The following AGAP1 variants were observed in gnomAD, a reference collection of about 807,000 sequenced individuals.
AGAP1 encodes the protein arf-GAP with GTPase, ANK repeat and PH domain-containing protein 1.
A neutral mutation model predicts 105.3 loss-of-function variants in AGAP1; 29 were observed. The observed-to-expected ratio is 0.28, with a 90% CI of 0.21 to 0.38. The LOEUF (loss-of-function observed/expected upper bound fraction) is 0.38, where lower values mean the gene tolerates loss of function less well. Ranked by LOEUF, AGAP1 falls within the 10% of genes least tolerant of loss-of-function variation. AGAP1 has a pLI of 1.00. For missense variants in AGAP1, 998 were observed against 1,165.1 expected (o/e 0.86, Z 2.09); for synonymous variants, 509 against 485.9 (o/e 1.05, Z -0.63).
Position 235,965,643 on chromosome 2 carries a change from A to C in AGAP1, c.1484-2819A>C, listed in dbSNP as rs949246579. Among the ~76,000 whole-genome samples the C allele has an allele frequency of 3.3e-5, 5 of 152,164 alleles. No homozygotes were observed. Among genetic ancestry groups the C allele is most frequent in the Admixed American group, 6.5e-5 (1 of 15,278 alleles). ...AGGTGGTAGGGATACCACGTGCCTC[A>C]GCGGATTGCTTAAGAGTCCTGAACG... On this transcript the variant is annotated intron_variant, in intron 12 of 17. Transcript: ENST00000304032. This position sits in a 1 kb window ranked among gnomAD's most constrained non-coding sequence, Gnocchi z 5.8.
At position 236,078,103 on chromosome 2, in the gene AGAP1, G is replaced by GGT. The variant is rs1040244238; in HGVS notation, c.2114+28832_2114+28833dup. Among the ~76,000 whole-genome samples, 3 of 148,806 alleles carry GGT rather than the reference G, an allele frequency of 2.0e-5. No homozygotes were observed. The highest frequency in any genetic ancestry group is 4.5e-5 in the Non-Finnish European group (3 of 67,138). ...CTGAAGTGTGTAGGGCAGGCCAGCT[G>GGT]GTGTGTGTGTGCATGTGTGTAATCT... On this transcript the variant is annotated intron_variant, in intron 16 of 17. Transcript: ENST00000304032. The surrounding 1 kb of genome is among the most constrained non-coding windows in gnomAD (Gnocchi z 5.3).
At chr2:236,048,911 A>C in intron 15 of AGAP1, 148 bp from the exon 16 acceptor site, 1 of 687,680 alleles carries the variant, frequency 1.5e-6, no homozygotes, top group Non-Finnish European at 2.5e-6. Context: ...AACAGGACTG[A>C]GCACTGGCTA....
intron 1 of AGAP1, among the ~76,000 whole-genome samples, chr2:235,538,427 A>ATGTGTGTGTGTG (rs57515821): frequency 0.11 from 14,881 of 135,222 alleles, 1,025 homozygotes; most frequent in East Asian, 0.2. Flanking sequence ...CTCAGCCACT[A>ATGTGTGTGTGTG]TGTGTGTGTG....
chr2:236,077,142 A>T (rs55802387), intron 16 of AGAP1, among the ~76,000 whole-genome samples: 63,436 of 106,274 alleles, frequency 0.6, 18,769 homozygotes, highest in Non-Finnish European at 0.63. Flanking sequence ...AAAAAAAAAA[A>T]ATATATATAT....
rs1287205100 is a variant in AGAP1, at chr2:235,875,152, T to G, written c.1051-8193T>G. Among the ~76,000 whole-genome samples the G allele has an allele frequency of 6.6e-6, 1 of 152,194 alleles. No individual in the cohort carries two copies. The highest frequency in any genetic ancestry group is 1.5e-5 in the Non-Finnish European group (1 of 68,038). On this transcript the variant is annotated intron_variant, in intron 9 of 17. Coordinates refer to ENST00000304032, the MANE Select transcript of AGAP1 (RefSeq NM_001037131.3). This position sits in a 1 kb window ranked among gnomAD's most constrained non-coding sequence, Gnocchi z 4.0. ...TGCAAGGAGGAGGTCAGCCTTGTTT[T>G]ATAAATGAGGTCACTTTTCAACCTT...
At chr2:236,085,887 T>A (rs941773833) in intron 16 of AGAP1, among the ~76,000 whole-genome samples, 9 of 152,234 alleles carry the variant, frequency 5.9e-5, no homozygotes, top group Non-Finnish European at 1.3e-4. Context: ...TGTCCATCAG[T>A]GATAGCAAAT....
rs534071252 is a variant in AGAP1, at chr2:235,701,864, A to T, written c.164-7315A>T. Reference sequence around the variant, plus strand: ...CCTCCGATGCTCCTCTCCTCTGTGGATGTACCATCTTTCTTCCATTGTTGT... The same window carrying T: ...CCTCCGATGCTCCTCTCCTCTGTGGTTGTACCATCTTTCTTCCATTGTTGT... On this transcript the variant is annotated intron_variant, in intron 1 of 17. Transcript: ENST00000304032. The surrounding 1 kb of genome is among the most constrained non-coding windows in gnomAD (Gnocchi z 4.1). 3.9e-5 allele frequency among the ~76,000 whole-genome samples: 6 copies of T among 152,156 alleles called. No homozygotes were observed. The highest frequency in any genetic ancestry group is 2.0e-4 in the Admixed American group (3 of 15,278).
intron 7 of AGAP1, among the ~76,000 whole-genome samples, chr2:235,798,998 T>C (rs1221184129): frequency 6.6e-6 from 1 of 152,208 alleles, no homozygotes; most frequent in Non-Finnish European, 1.5e-5. Flanking sequence ...GCTGTGGTTC[T>C]GCTGATCTAG....
Position 235,855,664 on chromosome 2 carries a change from C to T in AGAP1, c.1051-27681C>T, listed in dbSNP as rs1244426977. ...ATCTCATTCTCTTATCTCCACTGTG[C>T]TGGGAAGACCGAGAGGCTGAGCAGC... On this transcript the variant is annotated intron_variant, in intron 9 of 17. Coordinates refer to ENST00000304032, the MANE Select transcript of AGAP1 (RefSeq NM_001037131.3). This position sits in a 1 kb window ranked among gnomAD's most constrained non-coding sequence, Gnocchi z 5.0. Among the ~76,000 whole-genome samples the T allele has an allele frequency of 6.6e-6, 1 of 152,130 alleles. No individual in the cohort carries two copies.
chr2:235,774,579 T>C (rs1955715373), intron 6 of AGAP1: 19 of 309,938 alleles, frequency 6.1e-5, no homozygotes, highest in South Asian at 4.6e-4. Context: ...AAAATGGAAA[T>C]GAAGCCAGGG....
In AGAP1 at chr2:235,867,666, C is replaced by T. The variant is rs1385957631; in HGVS notation, c.1051-15679C>T. Among the ~76,000 whole-genome samples, 1 of 151,932 alleles carries T rather than the reference C, an allele frequency of 6.6e-6. No individual in the cohort carries two copies. Among genetic ancestry groups the T allele is most frequent in the African/African-American group, 2.4e-5 (1 of 41,346 alleles). ...AGGCCTATTTCTAGCTAAGTGTTAT[C>T]TGCAGGGTATAGCTTAGCATAATGA... On this transcript the variant is annotated intron_variant, in intron 9 of 17. Coordinates refer to ENST00000304032, the MANE Select transcript of AGAP1 (RefSeq NM_001037131.3). This position sits in a 1 kb window ranked among gnomAD's most constrained non-coding sequence, Gnocchi z 5.4.
At chr2:235,815,746 G>A (rs1958416134) in intron 9 of AGAP1, among the ~76,000 whole-genome samples, 1 of 152,196 alleles carries the variant, frequency 6.6e-6, no homozygotes, top group African/African-American at 2.4e-5. Flanking sequence ...AAAGTACTCC[G>A]ACTTGGGGGT....
At chr2:235,935,069 G>A (rs768195100) in intron 12 of AGAP1, among the ~76,000 whole-genome samples, 1 of 152,184 alleles carries the variant, frequency 6.6e-6, no homozygotes, top group African/African-American at 2.4e-5. Flanking sequence ...TAAATTAAGG[G>A]AAGAAGAAAA....
chr2:235,592,893 C>T (rs1434434290), intron 1 of AGAP1, among the ~76,000 whole-genome samples: 4 of 152,134 alleles, frequency 2.6e-5, no homozygotes, highest in African/African-American at 9.7e-5. Context: ...TCCAGGAACA[C>T]TGGTGTCTCA....
Position 235,663,309 on chromosome 2 carries a change from C to CA in AGAP1, c.164-45861dup, listed in dbSNP as rs941586879. ...GGGCAACAAGAAGGAAACTCTGTCT[C>CA]AAAAAAAAAGAAGGGGAGCGATCAC... On this transcript the variant is annotated intron_variant, in intron 1 of 17. Coordinates refer to ENST00000304032, the MANE Select transcript of AGAP1 (RefSeq NM_001037131.3). This position sits in a 1 kb window ranked among gnomAD's most constrained non-coding sequence, Gnocchi z 5.4. Among the ~76,000 whole-genome samples the CA allele has an allele frequency of 1.8e-3, 264 of 150,412 alleles. No homozygotes were observed. Among genetic ancestry groups the CA allele is most frequent in the African/African-American group, 5.2e-3 (215 of 41,016 alleles).
At chr2:235,657,048 C>T (rs1032236350) in intron 1 of AGAP1, among the ~76,000 whole-genome samples, 17 of 152,204 alleles carry the variant, frequency 1.1e-4, no homozygotes, top group African/African-American at 4.1e-4. Flanking sequence ...ACCCAGCTCT[C>T]ATGCATGTGC....
rs1404069760 is a variant in AGAP1, at chr2:235,936,053, G to A, written c.1483+5130G>A. On this transcript the variant is annotated intron_variant, in intron 12 of 17. Transcript: ENST00000304032. The surrounding 1 kb of genome is among the most constrained non-coding windows in gnomAD (Gnocchi z 4.7). ...CTAATGCTGTTGCCATGGCAGCCTC[G>A]CTCCCCCAGCCCTGGACTGTCAGGT... Among the ~76,000 whole-genome samples the A allele has an allele frequency of 8.5e-5, 13 of 152,130 alleles. No homozygotes were observed. The highest frequency in any genetic ancestry group is 1.8e-4 in the Non-Finnish European group (12 of 68,028).
At chr2:236,106,052 C>T (rs781561095) in intron 16 of AGAP1, among the ~76,000 whole-genome samples, 1 of 152,244 alleles carries the variant, frequency 6.6e-6, no homozygotes, top group Non-Finnish European at 1.5e-5. Flanking sequence ...CACCAGTGCT[C>T]CTGTTGCCCC....
In AGAP1 at chr2:235,908,934, A is replaced by G. The variant is rs1042681579; in HGVS notation, c.1324+28A>G. On this transcript the variant is annotated intron_variant, in intron 11 of 17. Coordinates refer to ENST00000304032, the MANE Select transcript of AGAP1 (RefSeq NM_001037131.3). The surrounding 1 kb of genome is among the most constrained non-coding windows in gnomAD (Gnocchi z 4.4). ...AAGCTTACAGCAAATGCACTAACAA[A>G]TCAAGTTCAACAGCAACAGGTGGTC... 2 of 1,592,466 alleles carry G rather than the reference A, an allele frequency of 1.3e-6. No homozygotes were observed. Among genetic ancestry groups the G allele is most frequent in the African/African-American group, 1.3e-5 (1 of 74,514 alleles).
Sources: gnomAD v4.1 joint callset for allele counts (sites outside exome capture counted in the v4.1 genomes callset) on GRCh38, gnomAD v4.1.1 for gene constraint, Gnocchi (gnomAD v3.1) non-coding constraint, MANE v1.5 for transcripts, NCBI Gene and HGNC (gene_info 2026-07-23, HGNC 2026-07-21) for gene names.